Variants in SLC25A21 observed in about 807,000 individuals in gnomAD.
The protein encoded by SLC25A21 is solute carrier family 25 member 21.
In SLC25A21, 47 loss-of-function variants were observed where a neutral mutation model predicts 43.8. The observed-to-expected ratio is 1.07, with a 90% CI of 0.85 to 1.37. The LOEUF (loss-of-function observed/expected upper bound fraction) is 1.37. Ranked by LOEUF, SLC25A21 falls within the 40% of genes most tolerant of loss-of-function variation. SLC25A21 has a pLI of 0.00. For missense variants in SLC25A21, 352 were observed against 350.2 expected, an observed-to-expected ratio of 1.00 and a Z score of -0.04; for synonymous variants, 131 against 121.3, an observed-to-expected ratio of 1.08 and a Z score of -0.52.
chr14:36,917,334 T>C (rs1297999241), intron 1 of SLC25A21, among the ~76,000 whole-genome samples: 1 of 152,160 alleles, frequency 6.6e-6, no homozygotes, highest in Non-Finnish European at 1.5e-5. Flanking sequence ...TATCTGACCC[T>C]GGCCCTCTGG....
chr14:36,690,773 C>A (rs76069530), intron 7 of SLC25A21, among the ~76,000 whole-genome samples: 70 of 152,216 alleles, frequency 4.6e-4, no homozygotes, highest in African/African-American at 1.5e-3. Flanking sequence ...CTGAGTCCTG[C>A]AAGATGATAT....
chr14:37,135,473 C>T (rs555245060), intron 1 of SLC25A21, among the ~76,000 whole-genome samples: 2 of 152,278 alleles, frequency 1.3e-5, no homozygotes, highest in East Asian at 3.9e-4. Flanking sequence ...AAGATCCCCC[C>T]ACCCTCGGCC....
chr14:36,689,081 G>A (rs1882680661), intron 7 of SLC25A21, among the ~76,000 whole-genome samples: 1 of 152,226 alleles, frequency 6.6e-6, no homozygotes, highest in Admixed American at 6.5e-5. Context: ...ACAAAAGAAA[G>A]AGGTTTAACT....
intron 2 of SLC25A21, among the ~76,000 whole-genome samples, chr14:36,838,547 A>C (rs1391524456): frequency 1.3e-5 from 2 of 152,182 alleles, no homozygotes; most frequent in Non-Finnish European, 2.9e-5. Flanking sequence ...AGCCTACTTG[A>C]GCTAATATGC....
chr14:37,007,954 ATT>A (rs10715027), intron 1 of SLC25A21, among the ~76,000 whole-genome samples: 45 of 149,934 alleles, frequency 3.0e-4, no homozygotes, highest in South Asian at 1.3e-3. Flanking sequence ...TGATCGCACA[ATT>A]TTTTTTTTTT....
At chr14:37,011,626 A>T (rs1442585030) in intron 1 of SLC25A21, among the ~76,000 whole-genome samples, 1 of 152,162 alleles carries the variant, frequency 6.6e-6, no homozygotes, top group Non-Finnish European at 1.5e-5. Context: ...GAATCACATC[A>T]TCATCACCAT....
At chr14:36,696,015 G>C (rs1368145449) in intron 7 of SLC25A21, among the ~76,000 whole-genome samples, 1 of 152,120 alleles carries the variant, frequency 6.6e-6, no homozygotes, top group Non-Finnish European at 1.5e-5. Context: ...TCCAGTTTTT[G>C]CCCATTCAGT....
chr14:36,797,144 T>C (rs1887703068), intron 3 of SLC25A21, among the ~76,000 whole-genome samples: 1 of 152,210 alleles, frequency 6.6e-6, no homozygotes, highest in Non-Finnish European at 1.5e-5. Flanking sequence ...TAGTGGTAAT[T>C]ATAACTAACA....
At chr14:36,710,806 C>T (rs1883824500) in intron 7 of SLC25A21, among the ~76,000 whole-genome samples, 1 of 152,022 alleles carries the variant, frequency 6.6e-6, no homozygotes, top group Non-Finnish European at 1.5e-5. Flanking sequence ...GCCTCAAAAG[C>T]AAATGATTCT....
intron 1 of SLC25A21, among the ~76,000 whole-genome samples, chr14:37,098,843 C>G (rs1962761210): frequency 6.7e-6 from 1 of 150,332 alleles, no homozygotes; most frequent in Admixed American, 6.6e-5. Flanking sequence ...CATTCTGTCA[C>G]TCAGGCTGGA....
chr14:36,791,752 C>T (rs1419115399), intron 3 of SLC25A21, among the ~76,000 whole-genome samples: 1 of 152,114 alleles, frequency 6.6e-6, no homozygotes, highest in Non-Finnish European at 1.5e-5. Flanking sequence ...AACCACCCCG[C>T]TTTGCTCTCC....
chr14:37,044,771 C>A (rs1961552365), intron 1 of SLC25A21, among the ~76,000 whole-genome samples: 1 of 152,158 alleles, frequency 6.6e-6, no homozygotes, highest in South Asian at 2.1e-4. Context: ...ATTCTCCTAA[C>A]CCTGTCTTGA....
At chr14:37,167,487 T>C (rs1011687885) in intron 1 of SLC25A21, among the ~76,000 whole-genome samples, 1 of 151,194 alleles carries the variant, frequency 6.6e-6, no homozygotes, top group African/African-American at 2.4e-5. Context: ...AAACTAACTT[T>C]GGGAGGAACT....
At chr14:37,016,834 G>A (rs1451600770) in intron 1 of SLC25A21, among the ~76,000 whole-genome samples, 1 of 152,018 alleles carries the variant, frequency 6.6e-6, no homozygotes, top group Non-Finnish European at 1.5e-5. Context: ...CTGTTATGAA[G>A]ACAGATTATT....
chr14:37,032,534 T>TCAA (rs754472937), intron 1 of SLC25A21, among the ~76,000 whole-genome samples: 3 of 151,752 alleles, frequency 2.0e-5, no homozygotes, highest in Middle Eastern at 3.4e-3. Context: ...AGACACTGTC[T>TCAA]CAACAACAAC....
At chr14:37,055,326 A>G (rs1300290851) in intron 1 of SLC25A21, among the ~76,000 whole-genome samples, 1 of 152,152 alleles carries the variant, frequency 6.6e-6, no homozygotes, top group Admixed American at 6.5e-5. Context: ...AAATAACTAT[A>G]TTTCACACTT....
chr14:37,058,914 C>T (rs1189525968), intron 1 of SLC25A21, among the ~76,000 whole-genome samples: 1 of 152,078 alleles, frequency 6.6e-6, no homozygotes, highest in African/African-American at 2.4e-5. Flanking sequence ...TGATGGTCAC[C>T]CCTTCCCTCT....
At chr14:37,169,479 A>G (rs879293857) in intron 1 of SLC25A21, among the ~76,000 whole-genome samples, 1 of 151,966 alleles carries the variant, frequency 6.6e-6, no homozygotes, top group Non-Finnish European at 1.5e-5. Context: ...CTTGAATTCC[A>G]CGAGATACCC....
intron 3 of SLC25A21, among the ~76,000 whole-genome samples, chr14:36,813,277 C>T (rs774645584): frequency 2.0e-5 from 3 of 152,054 alleles, no homozygotes; most frequent in Non-Finnish European, 4.4e-5. Context: ...TTAACTGAAT[C>T]TACACATTGA....
Sources: allele counts gnomAD v4.1 joint callset (sites outside exome capture counted in the v4.1 genomes callset), GRCh38; gene constraint gnomAD v4.1.1; transcripts MANE v1.5; gene names NCBI Gene and HGNC (gene_info 2026-07-23, HGNC 2026-07-21).